ATP11C: variants seen among roughly 807,000 people sequenced by gnomAD.
The protein encoded by ATP11C is phospholipid-transporting ATPase IG.
A neutral mutation model predicts 97.4 loss-of-function variants in ATP11C; 36 were observed. The observed-to-expected ratio is 0.37, with a 90% CI of 0.28 to 0.49. The LOEUF (loss-of-function observed/expected upper bound fraction) is 0.49. Ranked by LOEUF, ATP11C falls within the 20% of genes least tolerant of loss-of-function variation. ATP11C has a pLI of 0.98. For synonymous variants in ATP11C, 275 were observed against 290.9 expected, an observed-to-expected ratio of 0.95 and a Z score of 0.56; for missense variants, 730 against 824.6, an observed-to-expected ratio of 0.89 and a Z score of 1.40.
chrX:139,801,009 G>A (rs2082916001), intron 7 of ATP11C, among the ~76,000 whole-genome samples: 2 of 112,027 alleles, frequency 1.8e-5, no homozygotes, highest in South Asian at 3.7e-4. Flanking sequence ...AGGCAATTAC[G>A]ACGCAAGTGC....
intron 1 of ATP11C, among the ~76,000 whole-genome samples, chrX:139,919,232 G>A (rs1199840671): frequency 9.2e-6 from 1 of 109,218 alleles, no homozygotes; most frequent in Non-Finnish European, 1.9e-5. Context: ...GACAGAGCAA[G>A]ACTCTGTCTC....
chrX:139,752,826 G>A (rs907990337), intron 23 of ATP11C, among the ~76,000 whole-genome samples: 3 of 111,965 alleles, frequency 2.7e-5, no homozygotes, highest in Non-Finnish European at 5.6e-5. Flanking sequence ...TTGAATACAA[G>A]AAGGTTGATG....
chrX:139,748,837 A>C (rs745863302), intron 24 of ATP11C, among the ~76,000 whole-genome samples: 3 of 111,819 alleles, frequency 2.7e-5, no homozygotes, highest in Non-Finnish European at 5.6e-5. Context: ...AAAGTATATA[A>C]ACCAATTGCA....
At chrX:139,756,251 A>G (rs2081933080) in intron 23 of ATP11C, among the ~76,000 whole-genome samples, 1 of 112,401 alleles carries the variant, frequency 8.9e-6, no homozygotes, top group Non-Finnish European at 1.9e-5. Context: ...CATTAGAGAA[A>G]TGCAAATCAA....
intron 16 of ATP11C, 43 bp from the exon 17 acceptor site, chrX:139,783,310 T>G: frequency 1.0e-6 from 1 of 987,003 alleles, no homozygotes; most frequent in African/African-American, 1.9e-5. Flanking sequence ...ATTTTAAGGC[T>G]GGTATTGTGG....
intron 1 of ATP11C, among the ~76,000 whole-genome samples, chrX:139,911,669 AC>A (rs978646615): frequency 4.5e-5 from 5 of 110,609 alleles, no homozygotes; most frequent in African/African-American, 1.6e-4. Context: ...ACACACACAC[AC>A]CCCACAAGAG....
chrX:139,924,902 G>A (rs1336509051), intron 1 of ATP11C, among the ~76,000 whole-genome samples: 1 of 111,690 alleles, frequency 9.0e-6, no homozygotes, highest in African/African-American at 3.3e-5. Flanking sequence ...GTATCCTTTT[G>A]CTATAATAAA....
rs868182848 is a variant in ATP11C, at chrX:139,932,035, C to T, written c.8G>A (p.Arg3His). The T allele has an allele frequency of 8.6e-7, 1 of 1,162,729 alleles. No individual in the cohort carries two copies. The highest frequency in any genetic ancestry group is 1.1e-6 in the Non-Finnish European group (1 of 869,951). Residue 3 changes from arginine (R) to histidine (H), a missense_variant, in exon 1 of 30, where the codon CGC becomes CAC. By Grantham distance (29) the Arg-to-His change is conservative. Transcript: ENST00000682941. MF[R>H]RSLNRFCAGE... ...ACTTACAAAACGATTCAAGCTCCGGCGGAACATCGCGTCGAAGGCTGCCGG... is the reference window on the plus strand; with the variant it reads ...ACTTACAAAACGATTCAAGCTCCGGTGGAACATCGCGTCGAAGGCTGCCGG...
intron 22 of ATP11C, among the ~76,000 whole-genome samples, chrX:139,758,644 GA>G: frequency 8.9e-6 from 1 of 112,297 alleles, no homozygotes; most frequent in Admixed American, 9.4e-5. Flanking sequence ...ATAAAATACT[GA>G]AAGTAATGTC....
At chrX:139,870,923 G>A (rs1257574596) in intron 1 of ATP11C, among the ~76,000 whole-genome samples, 3 of 108,465 alleles carry the variant, frequency 2.8e-5, no homozygotes, top group Non-Finnish European at 5.7e-5. Flanking sequence ...GGGCGCGGTG[G>A]CGGGCGCCTG....
chrX:139,776,118 C>T (rs1360350203), intron 18 of ATP11C, among the ~76,000 whole-genome samples: 6 of 112,410 alleles, frequency 5.3e-5, no homozygotes, highest in African/African-American at 1.6e-4. Context: ...GGGCCAGGAA[C>T]AGTCATGGAG....
At chrX:139,927,371 G>A (rs1345468065) in intron 1 of ATP11C, among the ~76,000 whole-genome samples, 1 of 111,926 alleles carries the variant, frequency 8.9e-6, no homozygotes, top group Non-Finnish European at 1.9e-5. Flanking sequence ...GGAGGCCGAG[G>A]TAGGGAAATC....
intron 5 of ATP11C, among the ~76,000 whole-genome samples, chrX:139,810,850 C>T (rs965859714): frequency 2.8e-5 from 3 of 108,463 alleles, no homozygotes; most frequent in African/African-American, 6.9e-5. Context: ...TTTTCATTCC[C>T]GTTCTCTAAA....
chrX:139,745,670 A>T, intron 25 of ATP11C, 52 bp downstream of exon 25: 1 of 1,156,379 alleles, frequency 8.6e-7, no homozygotes, highest in Non-Finnish European at 1.2e-6. Context: ...CTATGGGAAA[A>T]AGACAAGCCA....
intron 2 of ATP11C, among the ~76,000 whole-genome samples, chrX:139,823,762 A>T (rs1209338158): frequency 8.9e-6 from 1 of 112,356 alleles, no homozygotes; most frequent in African/African-American, 3.2e-5. Context: ...AGCCTAGGCA[A>T]ATAACTGATG....
intron 23 of ATP11C, among the ~76,000 whole-genome samples, chrX:139,752,154 T>A (rs2081833940): frequency 9.0e-6 from 1 of 111,516 alleles, no homozygotes; most frequent in African/African-American, 3.3e-5. Context: ...AAATGTCACC[T>A]CATCAGAGAG....
At chrX:139,807,953 T>TA (rs60059544) in intron 5 of ATP11C, among the ~76,000 whole-genome samples, 8,196 of 76,770 alleles carry the variant, frequency 0.11, 782 homozygotes, top group African/African-American at 0.28. Flanking sequence ...CCCTGTCTCT[T>TA]AAAAAAAAAA....
At chrX:139,777,539 CTG>C (rs1177079865) in intron 18 of ATP11C, among the ~76,000 whole-genome samples, 1 of 110,489 alleles carries the variant, frequency 9.1e-6, no homozygotes, top group East Asian at 2.8e-4. Context: ...GCAACAAAAT[CTG>C]TAACTTCTTG....
chrX:139,912,385 T>C (rs1236829646), intron 1 of ATP11C, among the ~76,000 whole-genome samples: 1 of 110,457 alleles, frequency 9.1e-6, no homozygotes, highest in African/African-American at 3.3e-5. Flanking sequence ...AAGTAGTACA[T>C]AGGTAGAATT....
Sources: allele counts gnomAD v4.1 joint callset (sites outside exome capture counted in the v4.1 genomes callset), GRCh38; gene constraint gnomAD v4.1.1; transcripts MANE v1.5; gene names NCBI Gene and HGNC (gene_info 2026-07-23, HGNC 2026-07-21).